Variants in LASP1 observed in about 807,000 individuals in gnomAD.
The protein encoded by LASP1 is LIM and SH3 domain protein 1.
Under a neutral mutation model 38.6 loss-of-function variants are expected in LASP1, and 10 were observed. The observed-to-expected ratio is 0.26, with a 90% CI of 0.16 to 0.44. The LOEUF (loss-of-function observed/expected upper bound fraction) is 0.44, where lower values mean the gene tolerates loss of function less well. LASP1 is among the 20% of genes least tolerant of loss of function. LASP1 has a pLI of 1.00. For missense variants in LASP1, 243 were observed against 375.7 expected, an observed-to-expected ratio of 0.65 and a Z score of 2.92; for synonymous variants, 132 against 140.8, an observed-to-expected ratio of 0.94 and a Z score of 0.44.
chr17:38,892,267 A>G (rs1388617513), intron 3 of LASP1, among the ~76,000 whole-genome samples: 1 of 152,186 alleles, frequency 6.6e-6, no homozygotes, highest in African/African-American at 2.4e-5. Flanking sequence ...GTCACTCCCA[A>G]GTCTGGGGCC....
At chr17:38,912,655 C>T (rs931335342) in intron 4 of LASP1, among the ~76,000 whole-genome samples, 18 of 152,080 alleles carry the variant, frequency 1.2e-4, no homozygotes, top group African/African-American at 4.3e-4. Flanking sequence ...GAGGAAAGGG[C>T]TTGTGTCTGG....
Position 38,918,456 on chromosome 17 carries a change from A to T in LASP1, c.613-149A>T. On this transcript the variant is annotated intron_variant, in intron 6 of 6. Coordinates refer to ENST00000318008, the MANE Select transcript of LASP1 (RefSeq NM_006148.4). The surrounding 1 kb of genome is among the most constrained non-coding windows in gnomAD (Gnocchi z 4.4). ...TCTCAGAAAGCAAGACACAGAGGTT[A>T]AGAATCTTTGCAGCAGAGCCTGGTG... 3.8e-6 allele frequency: 3 copies of T among 793,424 alleles called. No homozygotes were observed. Among genetic ancestry groups the T allele is most frequent in the Non-Finnish European group, 6.1e-6 (3 of 492,994 alleles). The allele number at this position is 793,424 out of a possible 1,614,324, so 49.1% of individuals were successfully genotyped here. A position where few individuals can be genotyped will look rare whatever the true frequency, so the allele number is the denominator to read the frequency against.
intron 5 of LASP1, 76 bp from the exon 6 acceptor site, chr17:38,914,967 T>C (rs1555556986): frequency 2.2e-6 from 3 of 1,390,470 alleles, no homozygotes; most frequent in South Asian, 2.4e-5. Flanking sequence ...GTGCATGGTA[T>C]GGACTTCTCG....
chr17:38,909,525 T>C (rs890187210), intron 4 of LASP1, among the ~76,000 whole-genome samples: 12 of 151,778 alleles, frequency 7.9e-5, no homozygotes, highest in African/African-American at 2.9e-4. Context: ...GAGCATCACT[T>C]GAACCCGGGA....
At position 38,919,686 on chromosome 17, in the gene LASP1, G is replaced by A; in HGVS notation, c.*908G>A. ...GCCTCCCTCAGCCCCCAGGATCTGG[G>A]TTAGGTGGCCGCTCCTCCCTGCTCC... On this transcript the variant is annotated 3_prime_UTR_variant, in exon 7 of 7. Coordinates refer to ENST00000318008, the MANE Select transcript of LASP1 (RefSeq NM_006148.4). 5.6e-6 allele frequency: 2 copies of A among 357,450 alleles called. No homozygotes were observed. Among genetic ancestry groups the A allele is most frequent in the Non-Finnish European group, 1.1e-5 (2 of 186,304 alleles). 22.1% of individuals were successfully genotyped at this position (357,450 alleles called of 1,614,324 possible).
chr17:38,878,854 G>C, intron 2 of LASP1, among the ~76,000 whole-genome samples: 1 of 152,152 alleles, frequency 6.6e-6, no homozygotes. Flanking sequence ...TAGTCATCTT[G>C]AGTATAGTGC....
intron 1 of LASP1, among the ~76,000 whole-genome samples, chr17:38,870,614 C>G (rs963216678): frequency 4.0e-5 from 6 of 151,744 alleles, no homozygotes; most frequent in Non-Finnish European, 8.8e-5. Flanking sequence ...AAGAGACGGC[C>G]GCTCCCTCTC....
rs1022548621 is a variant in LASP1, at chr17:38,919,839, A to T, written c.*1061A>T. ...AGACCTGGTGTGCGGAGGCAGGAGCATGTATGTCTGCAGGTGTCTGACACG... is the reference window on the plus strand; with the variant it reads ...AGACCTGGTGTGCGGAGGCAGGAGCTTGTATGTCTGCAGGTGTCTGACACG... On this transcript the variant is annotated 3_prime_UTR_variant, in exon 7 of 7. Transcript: ENST00000318008. 1 of 455,564 alleles carries T rather than the reference A, an allele frequency of 2.2e-6. No homozygotes were observed. The highest frequency in any genetic ancestry group is 2.9e-5 in the Admixed American group (1 of 34,596). 28.2% of individuals were successfully genotyped at this position (455,564 alleles called of 1,614,324 possible). A position where few individuals can be genotyped will look rare whatever the true frequency, so the allele number is the denominator to read the frequency against.
intron 1 of LASP1, among the ~76,000 whole-genome samples, chr17:38,875,245 A>G: frequency 6.6e-6 from 1 of 151,930 alleles, no homozygotes; most frequent in Non-Finnish European, 1.5e-5. Context: ...AGGCTGGGGC[A>G]CCCTGCCAAT....
At chr17:38,893,183 A>G (rs189175969) in intron 3 of LASP1, among the ~76,000 whole-genome samples, 1 of 152,318 alleles carries the variant, frequency 6.6e-6, no homozygotes, top group East Asian at 1.9e-4. Flanking sequence ...ATCAAGTCCC[A>G]TGACCTGGCC....
At chr17:38,896,115 A>ACTCCTGCC (rs1914483727) in intron 3 of LASP1, among the ~76,000 whole-genome samples, 2 of 64,888 alleles carry the variant, frequency 3.1e-5, no homozygotes, top group Non-Finnish European at 1.0e-4. Context: ...CCAGGGCAAG[A>ACTCCTGCC]AGGGAGCCCT....
intron 2 of LASP1, 115 bp from the exon 3 acceptor site, chr17:38,890,305 C>T (rs1914270176): frequency 5.5e-6 from 5 of 906,840 alleles, no homozygotes; most frequent in Middle Eastern, 2.2e-4. Flanking sequence ...TGGGGCCGGG[C>T]CAGGGCGTGC....
intron 3 of LASP1, chr17:38,897,170 C>A: frequency 1.2e-6 from 1 of 803,546 alleles, no homozygotes; most frequent in Non-Finnish European, 1.5e-6. Flanking sequence ...TTGTCTGGAT[C>A]AGAACAGAGA....
chr17:38,872,713 T>C (rs1015598119), intron 1 of LASP1, among the ~76,000 whole-genome samples: 1 of 152,092 alleles, frequency 6.6e-6, no homozygotes, highest in African/African-American at 2.4e-5. Flanking sequence ...AAGAGTCAAA[T>C]TAGACTCACC....
chr17:38,878,245 CT>C, intron 2 of LASP1, 65 bp downstream of exon 2: 1 of 1,061,004 alleles, frequency 9.4e-7, no homozygotes, highest in Non-Finnish European at 1.5e-6. Context: ...TGAGTTCTTC[CT>C]TTCCTTCCAA....
At chr17:38,911,688 G>A (rs1422333067) in intron 4 of LASP1, among the ~76,000 whole-genome samples, 1 of 152,210 alleles carries the variant, frequency 6.6e-6, no homozygotes, top group African/African-American at 2.4e-5. Context: ...GGCGTGGTCA[G>A]TCTGGCCAGG....
chr17:38,890,570 G>T, intron 3 of LASP1, 66 bp downstream of exon 3: 1 of 1,456,954 alleles, frequency 6.9e-7, no homozygotes, highest in Non-Finnish European at 9.6e-7. Flanking sequence ...TGTAAGGTCG[G>T]CATTTGGCAA....
chr17:38,879,159 T>G (rs1913866880), intron 2 of LASP1, among the ~76,000 whole-genome samples: 1 of 103,832 alleles, frequency 9.6e-6, no homozygotes, highest in Non-Finnish European at 1.9e-5. Context: ...TCTTTTAATT[T>G]GCTTTTTTTT....
rs577837393 is a variant in LASP1, at chr17:38,880,559, T to C, written c.164+2379T>C. On this transcript the variant is annotated intron_variant, in intron 2 of 6. Coordinates refer to ENST00000318008, the MANE Select transcript of LASP1 (RefSeq NM_006148.4). ...TAGCCCTAGCCTCTGCCATGCCTCA[T>C]TGACCTTTGGCCCAGTTGGGATGTT... Among the ~76,000 whole-genome samples, 29 of 152,348 alleles carry C rather than the reference T, an allele frequency of 1.9e-4. No homozygotes were observed. The East Asian group carries it at 4.8e-3, about 25-fold the overall frequency.
Sources: gnomAD v4.1 joint callset for allele counts (sites outside exome capture counted in the v4.1 genomes callset) on GRCh38, gnomAD v4.1.1 for gene constraint, Gnocchi (gnomAD v3.1) non-coding constraint, MANE v1.5 for transcripts, NCBI Gene and HGNC (gene_info 2026-07-23, HGNC 2026-07-21) for gene names.